The following SLCO1C1 variants were observed in gnomAD, a reference collection of about 807,000 sequenced individuals.
The protein encoded by SLCO1C1 is OAT-RP-5.
Under a neutral mutation model 76.4 loss-of-function variants are expected in SLCO1C1, and 70 were observed. That is an observed-to-expected ratio of 0.92 (90% confidence interval 0.76 to 1.12). The LOEUF (loss-of-function observed/expected upper bound fraction) is 1.12. SLCO1C1 is among the 50% of genes most tolerant of loss of function. SLCO1C1 has a pLI of 0.00. For missense variants in SLCO1C1, 912 were observed against 823.8 expected (o/e 1.11, Z -1.31); for synonymous variants, 306 against 286.1 (o/e 1.07, Z -0.70).
intron 14 of SLCO1C1, 118 bp from the exon 15 acceptor site, chr12:20,752,188 T>C: frequency 1.5e-6 from 1 of 655,496 alleles, no homozygotes; most frequent in South Asian, 3.6e-5. Flanking sequence ...CAGTCTTTTA[T>C]ATAAGCCACC....
Position 20,721,924 on chromosome 12 carries a change from T to A in SLCO1C1, c.896T>A (p.Leu299Ter). 1 of 1,614,158 alleles carries A rather than the reference T, an allele frequency of 6.2e-7. No homozygotes were observed. The highest frequency in any genetic ancestry group is 8.5e-7 in the Non-Finnish European group (1 of 1,180,020). The change falls in exon 8 of 15, where the codon TTA becomes TAA. Residue 299 changes from leucine (L) to a stop codon, truncating the protein, a stop_gained. Transcript: ENST00000266509. LOFTEE classifies it high-confidence loss of function. Reference protein sequence around the residue: ...AVPFWYLPKSLPRSQSREDSN... With the variant: ...AVPFWYLPKS Reference sequence around the variant, plus strand: ...CCTTTCTGGTATTTACCAAAGAGTTTACCAAGATCCCAAAGTAGAGAGGAT... The same window carrying A: ...CCTTTCTGGTATTTACCAAAGAGTTAACCAAGATCCCAAAGTAGAGAGGAT...
chr12:20,734,191 C>CT (rs1445334902), intron 10 of SLCO1C1, among the ~76,000 whole-genome samples: 1 of 152,160 alleles, frequency 6.6e-6, no homozygotes, highest in Non-Finnish European at 1.5e-5. Context: ...CTTCCATCAC[C>CT]TTTATTAACC....
At chr12:20,727,849 C>T (rs1160336848) in intron 9 of SLCO1C1, among the ~76,000 whole-genome samples, 1 of 152,146 alleles carries the variant, frequency 6.6e-6, no homozygotes, top group Non-Finnish European at 1.5e-5. Flanking sequence ...TGTCCGTTGT[C>T]TACTTTTTAA....
chr12:20,710,623 A>G (rs1335866751), intron 4 of SLCO1C1, among the ~76,000 whole-genome samples: 3 of 152,110 alleles, frequency 2.0e-5, no homozygotes, highest in Admixed American at 6.6e-5. Context: ...TACACAGGGG[A>G]AAGGGTGGAA....
intron 11 of SLCO1C1, among the ~76,000 whole-genome samples, chr12:20,739,151 A>G (rs144227435): frequency 6.6e-6 from 1 of 152,318 alleles, no homozygotes; most frequent in African/African-American, 2.4e-5. Context: ...AAATTATGTC[A>G]TATCCTCAAA....
chr12:20,722,699 C>T (rs996244362), intron 8 of SLCO1C1, among the ~76,000 whole-genome samples: 4 of 152,204 alleles, frequency 2.6e-5, no homozygotes, highest in African/African-American at 7.2e-5. Context: ...TGACCACAAG[C>T]TAAGTTTGAG....
chr12:20,747,300 T>C (rs11045435), intron 13 of SLCO1C1, among the ~76,000 whole-genome samples: 66,193 of 151,818 alleles, frequency 0.44, 17,159 homozygotes, highest in South Asian at 0.63. Context: ...TGGTGGTGCA[T>C]GCTTGTGGTC....
intron 4 of SLCO1C1, among the ~76,000 whole-genome samples, chr12:20,710,714 T>C (rs2120672679): frequency 6.6e-6 from 1 of 152,294 alleles, no homozygotes; most frequent in Non-Finnish European, 1.5e-5. Flanking sequence ...AAAATCCATA[T>C]GTCATTTTCC....
In SLCO1C1 at chr12:20,753,183, G is replaced by T. The variant is rs1949386819; in HGVS notation, c.*655G>T. On this transcript the variant is annotated 3_prime_UTR_variant, in exon 15 of 15. Coordinates refer to ENST00000266509, the MANE Select transcript of SLCO1C1 (RefSeq NM_017435.5). ...TTGTGTGGCGCTATAAGTGACTATG[G>T]TTGTAAAGTAATAAAATTGATGTTA... 1 of 152,142 alleles carries T rather than the reference G, an allele frequency of 6.6e-6. No homozygotes were observed. The highest frequency in any genetic ancestry group is 2.1e-4 in the South Asian group (1 of 4,832). The allele number at this position is 152,142 out of a possible 1,614,324, so 9.4% of individuals were successfully genotyped here.
intron 3 of SLCO1C1, 146 bp from the exon 4 acceptor site, chr12:20,705,803 C>A: frequency 1.4e-6 from 1 of 699,570 alleles, no homozygotes; most frequent in Non-Finnish European, 2.3e-6. Flanking sequence ...AGGGTCATCT[C>A]AGATTAAAGG....
At chr12:20,708,392 C>T (rs947439955) in intron 4 of SLCO1C1, among the ~76,000 whole-genome samples, 5 of 151,986 alleles carry the variant, frequency 3.3e-5, no homozygotes, top group Admixed American at 1.3e-4. Flanking sequence ...CACAGATCTT[C>T]TGAGGAGGAG....
intron 11 of SLCO1C1, 58 bp downstream of exon 11, chr12:20,737,330 A>T: frequency 2.7e-6 from 4 of 1,491,862 alleles, no homozygotes; most frequent in Non-Finnish European, 3.6e-6. Context: ...AAACAACAAA[A>T]CTCTATGGGG....
intron 9 of SLCO1C1, among the ~76,000 whole-genome samples, chr12:20,728,914 GTATC>G (rs1167227298): frequency 6.6e-6 from 1 of 152,028 alleles, no homozygotes; most frequent in Admixed American, 6.6e-5. Flanking sequence ...GCTCTTAAAT[GTATC>G]TAAGGTTTTC....
chr12:20,698,428 T>G (rs1359174382), intron 1 of SLCO1C1, among the ~76,000 whole-genome samples: 1 of 152,088 alleles, frequency 6.6e-6, no homozygotes, highest in Non-Finnish European at 1.5e-5. Context: ...TTTAAATTGT[T>G]GAAGTCCTCT....
intron 9 of SLCO1C1, among the ~76,000 whole-genome samples, chr12:20,724,063 C>G (rs1159343674): frequency 6.6e-6 from 1 of 151,954 alleles, no homozygotes; most frequent in Non-Finnish European, 1.5e-5. Context: ...ATAGCACATG[C>G]TAATATAATT....
Position 20,717,199 on chromosome 12 carries a change from A to G in SLCO1C1, c.744A>G (p.Lys248=). 6.3e-7 allele frequency: 1 copy of G among 1,597,422 alleles called. No homozygotes were observed. Among genetic ancestry groups the G allele is most frequent in the Non-Finnish European group, 8.5e-7 (1 of 1,174,938 alleles). ...TCCTGTTAGGCTCATTATGTGCCAAACTATATGTTGACATTGGCTTTGTAA... is the reference window on the plus strand; with the variant it reads ...TCCTGTTAGGCTCATTATGTGCCAAGCTATATGTTGACATTGGCTTTGTAA... The part of the protein sequence containing the change: ...FGFLLGSLCA[K]LYVDIGFVNL... The change falls in exon 7 of 15, where the codon AAA becomes AAG. Residue 248 remains lysine (K), a synonymous_variant. Transcript: ENST00000266509.
chr12:20,734,721 C>G (rs1024834836), intron 10 of SLCO1C1, among the ~76,000 whole-genome samples: 1 of 152,038 alleles, frequency 6.6e-6, no homozygotes, highest in Admixed American at 6.6e-5. Flanking sequence ...AAAAGTATTC[C>G]TACATAATCA....
chr12:20,743,474 G>A, intron 13 of SLCO1C1, 105 bp downstream of exon 13: 1 of 816,564 alleles, frequency 1.2e-6, no homozygotes. Flanking sequence ...TATGTTGTAG[G>A]TGGCAAAGTT....
intron 14 of SLCO1C1, chr12:20,750,995 C>G: frequency 1.0e-6 from 1 of 972,990 alleles, no homozygotes; most frequent in Non-Finnish European, 1.5e-6. Flanking sequence ...ATTACCTTGA[C>G]CCCCATTTTA....
Sources: allele counts gnomAD v4.1 joint callset (sites outside exome capture counted in the v4.1 genomes callset), GRCh38; gene constraint gnomAD v4.1.1; transcripts MANE v1.5; gene names NCBI Gene and HGNC (gene_info 2026-07-23, HGNC 2026-07-21).